The following SV2C variants were observed in gnomAD, a reference collection of about 807,000 sequenced individuals.
SV2C encodes the protein solute carrier family 22 member B3.
SV2C carries 49 observed loss-of-function variants against 79.7 expected under a neutral mutation model. That is an observed-to-expected ratio of 0.61 (90% CI 0.49 to 0.78). The LOEUF is 0.78. SV2C is among the 30% of genes least tolerant of loss of function. The pLI, the probability that SV2C is intolerant of heterozygous loss-of-function variation, is 0.00. For missense variants in SV2C, 833 were observed against 912.9 expected (o/e 0.91, Z 1.13); for synonymous variants, 334 against 333.2 (o/e 1.00, Z -0.03).
intron 2 of SV2C, among the ~76,000 whole-genome samples, chr5:76,147,791 A>G (rs1450394475): frequency 2.0e-5 from 3 of 152,248 alleles, no homozygotes; most frequent in African/African-American, 4.8e-5. Flanking sequence ...GCTTACCTCT[A>G]CAAGAGTCAA....
chr5:76,027,088 T>G, the SV2C span, among the ~76,000 whole-genome samples: 1 of 142,590 alleles, frequency 7.0e-6, no homozygotes, highest in African/African-American at 2.6e-5. Flanking sequence ...TGAGACGGAG[T>G]TTCGCTCTTG....
At chr5:76,045,060 T>G in the SV2C span, among the ~76,000 whole-genome samples, 5 of 152,198 alleles carry the variant, frequency 3.3e-5, no homozygotes. Flanking sequence ...TACATTTAAG[T>G]CTTTAATCCA....
chr5:76,128,780 G>A (rs1748789339), intron 1 of SV2C, among the ~76,000 whole-genome samples: 1 of 152,146 alleles, frequency 6.6e-6, no homozygotes, highest in Admixed American at 6.6e-5. Flanking sequence ...ATATTATGTG[G>A]CATAACTCCA....
the SV2C span, among the ~76,000 whole-genome samples, chr5:75,885,737 G>T: frequency 6.6e-6 from 1 of 151,998 alleles, no homozygotes; most frequent in Admixed American, 6.6e-5. Context: ...CTTGAATCAG[G>T]AGTCTTGTGT....
chr5:75,881,137 A>G, the SV2C span, among the ~76,000 whole-genome samples: 3 of 152,162 alleles, frequency 2.0e-5, no homozygotes, highest in South Asian at 4.1e-4. Flanking sequence ...ATCTGCCCCC[A>G]TGATCCAATC....
At chr5:76,316,416 A>C (rs557812788) in intron 12 of SV2C, among the ~76,000 whole-genome samples, 2 of 152,306 alleles carry the variant, frequency 1.3e-5, no homozygotes, top group African/African-American at 2.4e-5. Flanking sequence ...ATCTCTGTGC[A>C]TGTGGCCCTA....
chr5:75,948,381 T>G, the SV2C span, among the ~76,000 whole-genome samples: 1 of 152,092 alleles, frequency 6.6e-6, no homozygotes, highest in Non-Finnish European at 1.5e-5. Context: ...TATTGAGTAC[T>G]CCCTATGCTA....
chr5:75,858,610 G>C, the SV2C span, among the ~76,000 whole-genome samples: 1 of 152,170 alleles, frequency 6.6e-6, no homozygotes. Flanking sequence ...GTAATACTCA[G>C]CTCATAGAAT....
chr5:76,022,819 T>A, the SV2C span, among the ~76,000 whole-genome samples: 1 of 152,252 alleles, frequency 6.6e-6, no homozygotes, highest in Non-Finnish European at 1.5e-5. Context: ...TACATCAGCA[T>A]CTTTGTTGTA....
At chr5:76,343,977 C>T (rs908660816) in intron 12 of SV2C, among the ~76,000 whole-genome samples, 15 of 152,064 alleles carry the variant, frequency 9.9e-5, no homozygotes, top group African/African-American at 2.9e-4. Flanking sequence ...ACGGTGATCA[C>T]GTCACTGCAC....
At chr5:76,174,305 G>A (rs951856594) in intron 2 of SV2C, 7 of 909,406 alleles carry the variant, frequency 7.7e-6, no homozygotes, top group African/African-American at 5.0e-5. Flanking sequence ...CGGTCCTGCC[G>A]CTGCCGCGCC....
At chr5:75,895,904 C>T in the SV2C span, among the ~76,000 whole-genome samples, 1 of 151,702 alleles carries the variant, frequency 6.6e-6, no homozygotes, top group Non-Finnish European at 1.5e-5. Context: ...TATTGTAGTA[C>T]CTTTAGGGTT....
intron 2 of SV2C, among the ~76,000 whole-genome samples, chr5:76,149,158 A>T (rs1749525619): frequency 6.6e-6 from 1 of 152,244 alleles, no homozygotes; most frequent in South Asian, 2.1e-4. Flanking sequence ...TGGTCATATC[A>T]GTCATATTAA....
chr5:76,038,926 C>G, the SV2C span, among the ~76,000 whole-genome samples: 1 of 152,228 alleles, frequency 6.6e-6, no homozygotes, highest in Non-Finnish European at 1.5e-5. Context: ...AAACTTCAAT[C>G]AGGTCTCCTC....
At chr5:75,910,345 A>T in the SV2C span, 2 of 557,776 alleles carry the variant, frequency 3.6e-6, no homozygotes, top group Non-Finnish European at 7.1e-6. Context: ...AAAGGAGATC[A>T]TTATTCCCTA....
chr5:75,897,205 T>G, the SV2C span, among the ~76,000 whole-genome samples: 4 of 151,492 alleles, frequency 2.6e-5, no homozygotes, highest in Non-Finnish European at 4.4e-5. Flanking sequence ...GTTTTAGGTC[T>G]AACATGTAAG....
At chr5:75,934,298 C>CTTTTTTTTTTTTTT in the SV2C span, among the ~76,000 whole-genome samples, 4 of 87,580 alleles carry the variant, frequency 4.6e-5, no homozygotes, top group African/African-American at 2.6e-4. Context: ...TTTTTTCTTT[C>CTTTTTTTTTTTTTT]TTTCTTTTTT....
the SV2C span, among the ~76,000 whole-genome samples, chr5:76,073,503 GTATATATA>G: frequency 0.076 from 5,146 of 67,398 alleles, 200 homozygotes; most frequent in East Asian, 0.1. Context: ...GTATGTGTGT[GTATATATA>G]TATATATATA....
chr5:75,914,266 A>G, the SV2C span, among the ~76,000 whole-genome samples: 1 of 152,236 alleles, frequency 6.6e-6, no homozygotes, highest in Non-Finnish European at 1.5e-5. Flanking sequence ...TTAAACATTT[A>G]CCAAATTTAT....
Sources: gnomAD v4.1 joint callset for allele counts (sites outside exome capture counted in the v4.1 genomes callset) on GRCh38, gnomAD v4.1.1 for gene constraint, MANE v1.5 for transcripts, NCBI Gene and HGNC (gene_info 2026-07-23, HGNC 2026-07-21) for gene names.